Variants in C1QTNF3 observed in about 807,000 individuals in gnomAD.
C1QTNF3 encodes C1q and TNF related 3.
In C1QTNF3, 26 loss-of-function variants were observed where a neutral mutation model predicts 32.6. That is an observed-to-expected ratio of 0.80 (90% CI 0.58 to 1.11). The LOEUF (loss-of-function observed/expected upper bound fraction) is 1.11. Among genes scored for constraint, C1QTNF3 ranks in the 50% least tolerant of loss-of-function variants. The pLI is 0.00. For missense variants in C1QTNF3, 362 were observed against 398.2 expected (o/e 0.91, Z 0.77); for synonymous variants, 155 against 146.0 (o/e 1.06, Z -0.44).
chr5:34,170,135 T>C, the C1QTNF3 span, among the ~76,000 whole-genome samples: 1 of 152,060 alleles, frequency 6.6e-6, no homozygotes, highest in East Asian at 1.9e-4. Context: ...TTGGTGACAA[T>C]ATTGATGAAC....
chr5:34,070,070 C>T, the C1QTNF3 span, among the ~76,000 whole-genome samples: 10 of 152,132 alleles, frequency 6.6e-5, no homozygotes, highest in Non-Finnish European at 1.0e-4. Context: ...TGGCTACTAT[C>T]CAAAATGTAT....
the C1QTNF3 span, among the ~76,000 whole-genome samples, chr5:34,147,779 G>T: frequency 6.6e-6 from 1 of 152,190 alleles, no homozygotes. Context: ...ACAGATTCGT[G>T]TAACAGACTT....
chr5:34,218,161 G>C, the C1QTNF3 span: 1 of 152,396 alleles, frequency 6.6e-6, no homozygotes, highest in Admixed American at 6.6e-5. Context: ...TAATGTATTT[G>C]ATATATCGTT....
chr5:34,197,567 A>G, the C1QTNF3 span, among the ~76,000 whole-genome samples: 4 of 152,204 alleles, frequency 2.6e-5, no homozygotes, highest in African/African-American at 9.6e-5. Flanking sequence ...ATGGCTTAAA[A>G]TAACAAATAT....
At chr5:34,217,225 G>C in the C1QTNF3 span, among the ~76,000 whole-genome samples, 1 of 152,060 alleles carries the variant, frequency 6.6e-6, no homozygotes, top group East Asian at 1.9e-4. Flanking sequence ...CATTTCATTT[G>C]AGGATATGTT....
intron 1 of C1QTNF3, among the ~76,000 whole-genome samples, chr5:34,038,219 G>C (rs903503353): frequency 1.3e-5 from 2 of 152,174 alleles, no homozygotes; most frequent in Admixed American, 6.5e-5. Context: ...GTGCTTCAGC[G>C]TGTTGAGTGC....
chr5:34,195,666 C>T, the C1QTNF3 span, among the ~76,000 whole-genome samples: 1 of 152,200 alleles, frequency 6.6e-6, no homozygotes, highest in Non-Finnish European at 1.5e-5. Context: ...ATGGTAAAAC[C>T]CCGTCTCTAC....
chr5:34,060,948 C>G, the C1QTNF3 span, among the ~76,000 whole-genome samples: 2 of 152,160 alleles, frequency 1.3e-5, no homozygotes, highest in Admixed American at 1.3e-4. Flanking sequence ...AGCATTAACT[C>G]AAAAATCCAC....
At chr5:34,052,075 T>A in the C1QTNF3 span, among the ~76,000 whole-genome samples, 2 of 152,316 alleles carry the variant, frequency 1.3e-5, no homozygotes, top group East Asian at 3.9e-4. Context: ...GAGGTGAATG[T>A]TGCAGTGAGC....
At chr5:34,023,270 A>G (rs1754386012) in intron 5 of C1QTNF3, among the ~76,000 whole-genome samples, 1 of 152,168 alleles carries the variant, frequency 6.6e-6, no homozygotes, top group African/African-American at 2.4e-5. Context: ...ATTCTTTCTC[A>G]ACCTGGAACT....
rs1018688464 is a variant in C1QTNF3 at position 34,019,343 on chromosome 5, C to T, written c.*1240G>A. 1.3e-5 allele frequency: 2 copies of T among 152,182 alleles called. No individual in the cohort carries two copies. The highest frequency in any genetic ancestry group is 6.5e-5 in the Admixed American group (1 of 15,282). The allele number at this position is 152,182 out of a possible 1,614,324, so 9.4% of individuals were successfully genotyped here. A position where few individuals can be genotyped will look rare whatever the true frequency, so the allele number is the denominator to read the frequency against. On this transcript the variant is annotated 3_prime_UTR_variant, in exon 6 of 6. Transcript: ENST00000382065. ...CTGTTGTGAATCAATTTCCCACACA[C>T]CTGGGACTTGTTGCCTACAACCAAA...
chr5:34,103,624 G>A, the C1QTNF3 span, among the ~76,000 whole-genome samples: 1 of 105,616 alleles, frequency 9.5e-6, no homozygotes, highest in Non-Finnish European at 2.0e-5. Context: ...TTGTGACCAG[G>A]CTGGCCAACA....
At chr5:34,048,311 A>AGAGAGAGAGAGAGG in the C1QTNF3 span, among the ~76,000 whole-genome samples, 1 of 151,584 alleles carries the variant, frequency 6.6e-6, no homozygotes, top group Non-Finnish European at 1.5e-5. Context: ...AGAGAGAGAG[A>AGAGAGAGAGAGAGG]GAGAGAGATA....
chr5:34,035,788 A>G (rs1754723187), intron 1 of C1QTNF3, 30 bp from the exon 2 acceptor site: 1 of 1,553,088 alleles, frequency 6.4e-7, no homozygotes, highest in Non-Finnish European at 8.8e-7. Flanking sequence ...AGCTTCAGAA[A>G]AAAAGGTACT....
the C1QTNF3 span, among the ~76,000 whole-genome samples, chr5:34,212,277 G>A: frequency 4.6e-5 from 7 of 151,956 alleles, no homozygotes; most frequent in South Asian, 2.1e-4. Context: ...AGACTTAAAC[G>A]TTAGACCTAA....
At chr5:34,222,829 C>T in the C1QTNF3 span, among the ~76,000 whole-genome samples, 1 of 151,742 alleles carries the variant, frequency 6.6e-6, no homozygotes, top group Non-Finnish European at 1.5e-5. Context: ...TGCAAACTGG[C>T]TAGCAATAAA....
At chr5:34,103,023 T>A in the C1QTNF3 span, among the ~76,000 whole-genome samples, 1 of 152,180 alleles carries the variant, frequency 6.6e-6, no homozygotes, top group South Asian at 2.1e-4. Context: ...CTCTCAATGT[T>A]CTCTGGACAA....
the C1QTNF3 span, among the ~76,000 whole-genome samples, chr5:34,170,137 T>C: frequency 1.3e-5 from 2 of 152,122 alleles, no homozygotes; most frequent in African/African-American, 2.4e-5. Context: ...GGTGACAATA[T>C]TGATGAACCT....
At chr5:34,240,225 A>G in the C1QTNF3 span, among the ~76,000 whole-genome samples, 10 of 148,890 alleles carry the variant, frequency 6.7e-5, no homozygotes, top group Admixed American at 1.3e-4. Context: ...GGAACTAGGG[A>G]AAAAAAAAAA....
Sources: gnomAD v4.1 joint callset for allele counts (sites outside exome capture counted in the v4.1 genomes callset) on GRCh38, gnomAD v4.1.1 for gene constraint, MANE v1.5 for transcripts, NCBI Gene and HGNC (gene_info 2026-07-23, HGNC 2026-07-21) for gene names.